Variants in PTPRD observed in about 807,000 individuals in gnomAD.
The protein encoded by PTPRD is protein tyrosine phosphatase receptor type D.
In PTPRD, 34 loss-of-function variants were observed where a neutral mutation model predicts 214.5. That is an observed-to-expected ratio of 0.16 (90% CI 0.12 to 0.21). PTPRD has a LOEUF of 0.21. Ranked by LOEUF, PTPRD falls within the 10% of genes least tolerant of loss-of-function variation. PTPRD has a pLI of 1.00. For missense variants in PTPRD, 2,545 were observed against 2,398.7 expected, an observed-to-expected ratio of 1.06 and a Z score of -1.27; for synonymous variants, 1,128 against 845.7, an observed-to-expected ratio of 1.33 and a Z score of -5.79.
intron 11 of PTPRD, among the ~76,000 whole-genome samples, chr9:8,852,046 A>G (rs2097826968): frequency 9.5e-6 from 1 of 105,512 alleles, no homozygotes; most frequent in Admixed American, 1.1e-4. Context: ...AATGAAATCC[A>G]TCTACTAACG....
At chr9:9,756,234 T>C (rs1363276263) in intron 6 of PTPRD, among the ~76,000 whole-genome samples, 4 of 152,130 alleles carry the variant, frequency 2.6e-5, no homozygotes, top group African/African-American at 9.7e-5. Flanking sequence ...CAGAGGGTTA[T>C]GTGAGATTCA....
intron 8 of PTPRD, among the ~76,000 whole-genome samples, chr9:9,519,001 A>G (rs2154252652): frequency 6.6e-6 from 1 of 152,178 alleles, no homozygotes; most frequent in East Asian, 1.9e-4. Flanking sequence ...AAAATTTTAA[A>G]GAATTGAAAT....
At chr9:10,439,387 G>A (rs573076869) in intron 2 of PTPRD, among the ~76,000 whole-genome samples, 24 of 151,656 alleles carry the variant, frequency 1.6e-4, no homozygotes, top group Admixed American at 1.5e-3. Context: ...CCCTACATCT[G>A]GATTACTTCT....
At chr9:8,603,079 T>G (rs183574479) in intron 14 of PTPRD, among the ~76,000 whole-genome samples, 1 of 152,322 alleles carries the variant, frequency 6.6e-6, no homozygotes, top group African/African-American at 2.4e-5. Flanking sequence ...TAATCATAAG[T>G]AGTATTCTAT....
At chr9:8,926,210 T>C (rs767454626) in intron 11 of PTPRD, among the ~76,000 whole-genome samples, 9 of 152,126 alleles carry the variant, frequency 5.9e-5, no homozygotes, top group Non-Finnish European at 1.0e-4. Flanking sequence ...CAAGGTTTTA[T>C]CAACTCAGCT....
chr9:9,450,116 GTGTC>G (rs59635031), intron 8 of PTPRD, among the ~76,000 whole-genome samples: 69,815 of 135,968 alleles, frequency 0.51, 16,633 homozygotes, highest in East Asian at 0.64. Flanking sequence ...GTGTGTGTGT[GTGTC>G]TGTGTGTGTG....
intron 36 of PTPRD, among the ~76,000 whole-genome samples, chr9:8,396,455 C>G (rs2091198240): frequency 6.6e-6 from 1 of 151,984 alleles, no homozygotes; most frequent in African/African-American, 2.4e-5. Context: ...GTAGGTTTAT[C>G]TACGGCCTCA....
At chr9:9,974,850 A>G (rs1486280980) in intron 4 of PTPRD, among the ~76,000 whole-genome samples, 2 of 152,198 alleles carry the variant, frequency 1.3e-5, no homozygotes, top group African/African-American at 2.4e-5. Context: ...TGTAGCATGC[A>G]GTGAGTGAGA....
At chr9:9,663,185 G>T (rs1472480308) in intron 7 of PTPRD, among the ~76,000 whole-genome samples, 1 of 151,190 alleles carries the variant, frequency 6.6e-6, no homozygotes, top group Non-Finnish European at 1.5e-5. Flanking sequence ...GTCAGAATAG[G>T]TTTATCTCAT....
chr9:9,000,020 T>A (rs776839439), intron 11 of PTPRD, among the ~76,000 whole-genome samples: 1 of 152,044 alleles, frequency 6.6e-6, no homozygotes, highest in African/African-American at 2.4e-5. Context: ...AGAGTCCTGG[T>A]GGCAAATTTA....
intron 44 of PTPRD, among the ~76,000 whole-genome samples, chr9:8,330,269 C>G (rs1293765382): frequency 2.0e-5 from 3 of 152,200 alleles, no homozygotes; most frequent in Non-Finnish European, 4.4e-5. Flanking sequence ...CCTTCTGTGT[C>G]AATCTCACTG....
At chr9:8,810,462 A>T (rs2096778758) in intron 11 of PTPRD, among the ~76,000 whole-genome samples, 1 of 152,150 alleles carries the variant, frequency 6.6e-6, no homozygotes, top group Non-Finnish European at 1.5e-5. Context: ...TTGAAGAAAG[A>T]TTCAGACTGC....
At chr9:9,342,438 T>G (rs888485295) in intron 9 of PTPRD, among the ~76,000 whole-genome samples, 4 of 152,162 alleles carry the variant, frequency 2.6e-5, no homozygotes, top group African/African-American at 9.7e-5. Context: ...AGGAGTAATG[T>G]TAGTAAATAA....
At chr9:8,483,237 G>C (rs549802578) in intron 30 of PTPRD, among the ~76,000 whole-genome samples, 357 of 152,164 alleles carry the variant, frequency 2.3e-3, no homozygotes, top group Non-Finnish European at 4.2e-3. Flanking sequence ...CAGAAAACTT[G>C]AATTTTCTAA....
At chr9:8,698,424 G>A (rs1164923609) in intron 12 of PTPRD, among the ~76,000 whole-genome samples, 1 of 152,180 alleles carries the variant, frequency 6.6e-6, no homozygotes, top group Non-Finnish European at 1.5e-5. Context: ...ACTGTTAACT[G>A]CGGAAATGTA....
intron 8 of PTPRD, among the ~76,000 whole-genome samples, chr9:9,543,046 A>C (rs1350414574): frequency 6.6e-6 from 1 of 151,730 alleles, no homozygotes; most frequent in East Asian, 1.9e-4. Context: ...ATACCAATTG[A>C]AAACAATGCA....
At chr9:10,486,378 C>A (rs2099133058) in intron 2 of PTPRD, among the ~76,000 whole-genome samples, 1 of 152,088 alleles carries the variant, frequency 6.6e-6, no homozygotes, top group Non-Finnish European at 1.5e-5. Flanking sequence ...GGAAGGGGTC[C>A]AATTTCAGTT....
At chr9:10,247,842 G>A (rs1249761298) in intron 3 of PTPRD, among the ~76,000 whole-genome samples, 3 of 152,054 alleles carry the variant, frequency 2.0e-5, no homozygotes, top group South Asian at 2.1e-4. Flanking sequence ...GGGAAGTAAC[G>A]CAGTGATATG....
chr9:9,162,481 T>C (rs964777887), intron 10 of PTPRD, among the ~76,000 whole-genome samples: 1 of 152,126 alleles, frequency 6.6e-6, no homozygotes, highest in Non-Finnish European at 1.5e-5. Context: ...TTTTCCTTTG[T>C]CCTTTTGGGA....
Sources: allele counts gnomAD v4.1 joint callset (sites outside exome capture counted in the v4.1 genomes callset), GRCh38; gene constraint gnomAD v4.1.1; transcripts MANE v1.5; gene names NCBI Gene and HGNC (gene_info 2026-07-23, HGNC 2026-07-21).